NR2F1-AS1: variants seen among roughly 807,000 people sequenced by gnomAD.
NR2F1-AS1 encodes the protein NR2F1 regulatory antisense RNA 1.
At chr5:93,539,629 G>C (rs1394505714) in intron 4 of NR2F1-AS1, among the ~76,000 whole-genome samples, 2 of 152,138 alleles carry the variant, frequency 1.3e-5, no homozygotes, top group Non-Finnish European at 2.9e-5. Context: ...TGGAGGATGG[G>C]AAGAGGTTGG....
At chr5:93,536,404 A>G (rs1751840436) in intron 4 of NR2F1-AS1, among the ~76,000 whole-genome samples, 1 of 152,192 alleles carries the variant, frequency 6.6e-6, no homozygotes, top group African/African-American at 2.4e-5. Flanking sequence ...TCAAAATACC[A>G]ATGACATTTT....
At chr5:93,492,434 T>C (rs73772362) in intron 4 of NR2F1-AS1, among the ~76,000 whole-genome samples, 3,553 of 152,226 alleles carry the variant, frequency 0.023, 145 homozygotes, top group African/African-American at 0.082. Flanking sequence ...AAATAAGAAT[T>C]AATTCTACCA....
At chr5:93,581,672 C>G (rs907320701), upstream of NR2F1-AS1, among the ~76,000 whole-genome samples, 33 of 18,268 alleles carry the variant, frequency 1.8e-3, no homozygotes, top group East Asian at 0.01. Context: ...GTCTCGGTCT[C>G]TCTCTCTCTC....
chr5:93,457,882 C>T (rs776811419), intron 4 of NR2F1-AS1, among the ~76,000 whole-genome samples: 4 of 152,144 alleles, frequency 2.6e-5, no homozygotes, highest in South Asian at 2.1e-4. Context: ...TGCTCAACTG[C>T]GGTGTCTCCA....
chr5:93,431,176 A>G (rs926622707), intron 4 of NR2F1-AS1, among the ~76,000 whole-genome samples: 6 of 152,206 alleles, frequency 3.9e-5, no homozygotes, highest in Non-Finnish European at 8.8e-5. Context: ...CAGGACAGTG[A>G]AAGAAAACTT....
intron 4 of NR2F1-AS1, among the ~76,000 whole-genome samples, chr5:93,451,320 GAA>G (rs35059457): frequency 8.8e-4 from 69 of 78,676 alleles, no homozygotes; most frequent in African/African-American, 1.1e-3. Flanking sequence ...TAGGGTTTTT[GAA>G]AAAAAAAAAA....
intron 4 of NR2F1-AS1, among the ~76,000 whole-genome samples, chr5:93,424,924 T>C (rs2149844030): frequency 6.6e-6 from 1 of 152,340 alleles, no homozygotes; most frequent in South Asian, 2.1e-4. Context: ...AGCTTGGTAC[T>C]AGAAAGTAGG....
upstream of NR2F1-AS1, chr5:93,583,258 A>T (rs1294371252): frequency 6.7e-6 from 1 of 149,226 alleles, no homozygotes; most frequent in East Asian, 2.0e-4. Flanking sequence ...GTTTAAACGC[A>T]TTCAATTTTT....
At chr5:93,435,213 C>G (rs1749409047) in intron 4 of NR2F1-AS1, among the ~76,000 whole-genome samples, 1 of 151,988 alleles carries the variant, frequency 6.6e-6, no homozygotes, top group Admixed American at 6.6e-5. Context: ...AGTTAGTATC[C>G]TACTCCCTTG....
intron 4 of NR2F1-AS1, among the ~76,000 whole-genome samples, chr5:93,467,381 A>C (rs1750261277): frequency 6.6e-6 from 1 of 152,040 alleles, no homozygotes; most frequent in Admixed American, 6.6e-5. Context: ...TTCACTCTTC[A>C]ATTTTCCAAG....
chr5:93,437,103 TC>T (rs1243472034), intron 4 of NR2F1-AS1, among the ~76,000 whole-genome samples: 1 of 152,164 alleles, frequency 6.6e-6, no homozygotes, highest in Non-Finnish European at 1.5e-5. Flanking sequence ...CAGTATTTAG[TC>T]CTCTAACATA....
chr5:93,581,713 T>C (rs1753047077), upstream of NR2F1-AS1, among the ~76,000 whole-genome samples: 3 of 63,870 alleles, frequency 4.7e-5, no homozygotes, highest in African/African-American at 1.8e-4. Flanking sequence ...TCTCTCTCTC[T>C]CTCTCTCTCT....
At chr5:93,569,662 C>T (rs2149926109) in intron 1 of NR2F1-AS1, among the ~76,000 whole-genome samples, 1 of 152,294 alleles carries the variant, frequency 6.6e-6, no homozygotes, top group African/African-American at 2.4e-5. Context: ...AAGGAAGGCA[C>T]TATAAAAGTT....
chr5:93,458,491 G>C (rs1443050126), intron 4 of NR2F1-AS1, among the ~76,000 whole-genome samples: 1 of 152,046 alleles, frequency 6.6e-6, no homozygotes, highest in Admixed American at 6.5e-5. Context: ...TATAGTGTAA[G>C]ATAAGCATAT....
At chr5:93,445,218 G>T (rs941982840) in intron 4 of NR2F1-AS1, among the ~76,000 whole-genome samples, 1 of 152,078 alleles carries the variant, frequency 6.6e-6, no homozygotes, top group African/African-American at 2.4e-5. Context: ...AACTGAAGGA[G>T]ATAGAGACAC....
intron 4 of NR2F1-AS1, among the ~76,000 whole-genome samples, chr5:93,512,527 C>T (rs1580291092): frequency 1.3e-5 from 2 of 152,100 alleles, no homozygotes; most frequent in South Asian, 4.2e-4. Flanking sequence ...TTTAGTATAG[C>T]CTAAGTGTAC....
intron 4 of NR2F1-AS1, among the ~76,000 whole-genome samples, chr5:93,531,296 T>C (rs1751730876): frequency 9.0e-6 from 1 of 111,180 alleles, no homozygotes; most frequent in Non-Finnish European, 1.8e-5. Context: ...TCCCAGAAAA[T>C]TCTGTTTGCA....
chr5:93,531,887 T>C (rs868180955), intron 4 of NR2F1-AS1, among the ~76,000 whole-genome samples: 1 of 152,358 alleles, frequency 6.6e-6, no homozygotes, highest in South Asian at 2.1e-4. Context: ...AAATTCACTT[T>C]ATTTATTTCT....
intron 4 of NR2F1-AS1, among the ~76,000 whole-genome samples, chr5:93,514,983 AATAAT>A (rs1018018143): frequency 1.3e-5 from 2 of 151,954 alleles, no homozygotes; most frequent in African/African-American, 4.8e-5. Context: ...ATCAATAAGA[AATAAT>A]ATAAATTTTT....
Sources: allele counts gnomAD v4.1 joint callset (sites outside exome capture counted in the v4.1 genomes callset), GRCh38; gene constraint gnomAD v4.1.1; transcripts MANE v1.5; gene names NCBI Gene and HGNC (gene_info 2026-07-23, HGNC 2026-07-21).